Variants in TPD52 observed in about 807,000 individuals in gnomAD.
The protein encoded by TPD52 is prostate and colon associated protein.
Under a neutral mutation model 31.3 loss-of-function variants are expected in TPD52, and 17 were observed. The observed-to-expected ratio is 0.54, with a 90% CI of 0.37 to 0.82. The LOEUF is 0.82. TPD52 is among the 40% of genes least tolerant of loss of function. The probability of loss-of-function intolerance (pLI) is 0.00; values close to 1 mark genes in which losing one functional copy is unlikely to be tolerated. For missense variants in TPD52, 212 were observed against 240.1 expected, an observed-to-expected ratio of 0.88 and a Z score of 0.77; for synonymous variants, 83 against 89.6, an observed-to-expected ratio of 0.93 and a Z score of 0.42.
At chr8:80,045,378 G>A (rs759588018) in intron 5 of TPD52, among the ~76,000 whole-genome samples, 7 of 152,190 alleles carry the variant, frequency 4.6e-5, no homozygotes, top group Non-Finnish European at 8.8e-5. Context: ...TGATATGATA[G>A]GTGGATCAGT....
intron 1 of TPD52, among the ~76,000 whole-genome samples, chr8:80,069,329 A>G (rs1485261035): frequency 6.6e-6 from 1 of 152,036 alleles, no homozygotes; most frequent in African/African-American, 2.4e-5. Flanking sequence ...AGCCGGGTAT[A>G]GTGGCCTGCA....
At chr8:80,084,724 T>A (rs1368698873) in intron 1 of TPD52, among the ~76,000 whole-genome samples, 1 of 152,216 alleles carries the variant, frequency 6.6e-6, no homozygotes, top group African/African-American at 2.4e-5. Context: ...TACTCAACCA[T>A]GCTTTAGCCA....
intron 1 of TPD52, among the ~76,000 whole-genome samples, chr8:80,164,022 GAC>G (rs66668699): frequency 0.19 from 24,668 of 127,838 alleles, 2,615 homozygotes; most frequent in East Asian, 0.52. Context: ...GTGAGAGAGA[GAC>G]AGAGAGAGAG....
chr8:80,159,868 G>T (rs1811230488), intron 1 of TPD52, among the ~76,000 whole-genome samples: 1 of 152,212 alleles, frequency 6.6e-6, no homozygotes, highest in Non-Finnish European at 1.5e-5. Flanking sequence ...TAAAAAGTAT[G>T]AGATGTTCCT....
At position 80,150,320 on chromosome 8, in the gene TPD52, G is replaced by C. The variant is rs557402834; in HGVS notation, c.19+21105C>G. Among the ~76,000 whole-genome samples the C allele has an allele frequency of 9.2e-5, 14 of 152,364 alleles. No homozygotes were observed. In the East Asian group the frequency reaches 2.7e-3, roughly 29 times the overall value. On this transcript the variant is annotated intron_variant, in intron 1 of 7. Transcript: ENST00000518937. ...GAAACGCCTGGATGTCCAGGCAGAA[G>C]TTAGCTGCAGAGGCAGGGCTGTCAT...
At chr8:80,143,268 G>A (rs1395208857) in intron 1 of TPD52, among the ~76,000 whole-genome samples, 14 of 152,074 alleles carry the variant, frequency 9.2e-5, no homozygotes, top group African/African-American at 2.2e-4. Flanking sequence ...GCCAGGCTTC[G>A]AGAAGTTGTA....
intron 1 of TPD52, chr8:80,122,876 A>C (rs572279145): frequency 6.6e-6 from 1 of 152,486 alleles, no homozygotes; most frequent in East Asian, 1.9e-4. Context: ...CATGGTAATG[A>C]ACAAGGACAT....
chr8:80,115,612 C>A (rs991904836), intron 1 of TPD52, among the ~76,000 whole-genome samples: 3 of 152,164 alleles, frequency 2.0e-5, no homozygotes, highest in Non-Finnish European at 4.4e-5. Flanking sequence ...GAGGGCAGAC[C>A]TTACAGACTA....
rs971623688 is a variant in TPD52 at position 80,098,858 on chromosome 8, G to A, written c.20-34265C>T. Among the ~76,000 whole-genome samples the A allele has an allele frequency of 6.6e-5, 10 of 152,180 alleles. No individual in the cohort carries two copies. The East Asian group carries it at 1.2e-3, about 18-fold the overall frequency. On this transcript the variant is annotated intron_variant, in intron 1 of 7. Transcript: ENST00000518937. Reference sequence around the variant, plus strand: ...AAAGGAAGAGCCCATCAATTGCCACGGCCAGCTCAACCTTCAGCAGCTACC... The same window carrying A: ...AAAGGAAGAGCCCATCAATTGCCACAGCCAGCTCAACCTTCAGCAGCTACC...
chr8:80,140,950 C>CGTGTGTGT (rs142097159), intron 1 of TPD52, among the ~76,000 whole-genome samples: 17,095 of 143,612 alleles, frequency 0.12, 1,184 homozygotes, highest in Middle Eastern at 0.16. Flanking sequence ...CAATACAACT[C>CGTGTGTGT]GTGTGTGTGT....
intron 2 of TPD52, among the ~76,000 whole-genome samples, chr8:80,060,729 T>C (rs186917053): frequency 1.3e-5 from 2 of 148,584 alleles, no homozygotes; most frequent in African/African-American, 5.0e-5. Flanking sequence ...ATCATTTCAA[T>C]AGGTGAAAAA....
At chr8:80,044,130 C>A (rs768242780) in intron 6 of TPD52, 37 bp downstream of exon 6, 14 of 1,544,126 alleles carry the variant, frequency 9.1e-6, no homozygotes, top group Non-Finnish European at 8.8e-6. Flanking sequence ...AAAAATAAAG[C>A]ATAAGACCAA....
chr8:80,089,394 G>T (rs552253379), intron 1 of TPD52, among the ~76,000 whole-genome samples: 43 of 152,272 alleles, frequency 2.8e-4, no homozygotes, highest in Middle Eastern at 3.4e-3. Flanking sequence ...GAGACTTTAG[G>T]TGATAAGAGA....
At chr8:80,072,694 TAC>T (rs1324793659) in intron 1 of TPD52, among the ~76,000 whole-genome samples, 1 of 151,440 alleles carries the variant, frequency 6.6e-6, no homozygotes, top group Non-Finnish European at 1.5e-5. Flanking sequence ...TGTGTGTATA[TAC>T]ACACATATAT....
intron 1 of TPD52, among the ~76,000 whole-genome samples, chr8:80,120,616 C>T (rs968805762): frequency 1.9e-4 from 29 of 152,170 alleles, no homozygotes; most frequent in Non-Finnish European, 3.1e-4. Flanking sequence ...AAATGGCTTG[C>T]ACTTTTATCA....
chr8:80,096,257 AAAAT>A lies in TPD52; in HGVS notation c.20-31668_20-31665del, dbSNP rs374473872. Among the ~76,000 whole-genome samples the A allele has an allele frequency of 2.5e-3, 370 of 149,644 alleles. 3 individuals are homozygous for A. The highest frequency in any genetic ancestry group is 8.7e-3 in the African/African-American group (353 of 40,572). The stretch of plus-strand genomic sequence containing the variant: ...AGTGACAAGAGCAAGAACTTGTCTC[AAAAT>A]AAATAAAGACTATCAAACACACACA... On this transcript the variant is annotated intron_variant, in intron 1 of 7. Transcript: ENST00000518937.
chr8:80,161,734 T>TATA (rs1563671618), intron 1 of TPD52, among the ~76,000 whole-genome samples: 11 of 46,140 alleles, frequency 2.4e-4, no homozygotes, highest in Non-Finnish European at 3.3e-4. Flanking sequence ...ATATATATAT[T>TATA]TTTTTTTTTT....
chr8:80,133,767 T>TA (rs397946185), intron 1 of TPD52, among the ~76,000 whole-genome samples: 5,615 of 112,842 alleles, frequency 0.05, 333 homozygotes, highest in African/African-American at 0.16. Context: ...CCGCTGATGC[T>TA]AAAAAAAAAA....
intron 1 of TPD52, among the ~76,000 whole-genome samples, chr8:80,112,115 G>T (rs967575243): frequency 6.6e-6 from 1 of 152,220 alleles, no homozygotes; most frequent in African/African-American, 2.4e-5. Context: ...AAATACCCAG[G>T]GTGACTGTTG....
Sources: allele counts gnomAD v4.1 joint callset (sites outside exome capture counted in the v4.1 genomes callset), GRCh38; gene constraint gnomAD v4.1.1; transcripts MANE v1.5; gene names NCBI Gene and HGNC (gene_info 2026-07-23, HGNC 2026-07-21).